Variants in ZPBP observed in about 807,000 individuals in gnomAD.
The protein encoded by ZPBP is zona pellucida binding protein.
ZPBP carries 26 observed loss-of-function variants against 44.8 expected under a neutral mutation model. The observed-to-expected ratio is 0.58, with a 90% CI of 0.43 to 0.81. ZPBP has a LOEUF of 0.81. Ranked by LOEUF, ZPBP falls within the 30% of genes least tolerant of loss-of-function variation. ZPBP has a pLI of 0.00. For synonymous variants in ZPBP, 174 were observed against 153.2 expected (o/e 1.14, Z -1.00); for missense variants, 409 against 434.0 (o/e 0.94, Z 0.51).
intron 4 of ZPBP, among the ~76,000 whole-genome samples, chr7:50,046,259 A>AC (rs1431504108): frequency 7.2e-5 from 11 of 152,174 alleles, no homozygotes; most frequent in African/African-American, 2.2e-4. Flanking sequence ...TGACTAAAAC[A>AC]CCAACAGCAA....
intron 1 of ZPBP, among the ~76,000 whole-genome samples, chr7:49,928,521 G>A (rs1209281367): frequency 6.6e-6 from 1 of 152,138 alleles, no homozygotes; most frequent in East Asian, 1.9e-4. Context: ...TGTGGGTAGG[G>A]CTGTCTACTT....
At chr7:49,842,643 A>T in the ZPBP span, among the ~76,000 whole-genome samples, 1 of 152,208 alleles carries the variant, frequency 6.6e-6, no homozygotes, top group East Asian at 1.9e-4. Flanking sequence ...GTATACTTGC[A>T]GAATAATTGT....
At chr7:49,941,485 T>TGTACA (rs2128753397) in intron 7 of ZPBP, among the ~76,000 whole-genome samples, 1 of 152,264 alleles carries the variant, frequency 6.6e-6, no homozygotes, top group East Asian at 1.9e-4. Flanking sequence ...AAATCAGTTA[T>TGTACA]GTTTGTGTAC....
At chr7:50,084,191 G>T (rs749907938) in intron 2 of ZPBP, among the ~76,000 whole-genome samples, 20 of 151,884 alleles carry the variant, frequency 1.3e-4, no homozygotes, top group Non-Finnish European at 2.1e-4. Context: ...TGATAAGGAT[G>T]TGGGAAAATG....
downstream of ZPBP, among the ~76,000 whole-genome samples, chr7:49,848,547 T>G (rs971633649): frequency 6.6e-6 from 1 of 152,228 alleles, no homozygotes; most frequent in Non-Finnish European, 1.5e-5. Context: ...TGTGGTCTGC[T>G]CTCTCGTTTC....
intron 6 of ZPBP, among the ~76,000 whole-genome samples, chr7:50,013,648 A>G (rs899982587): frequency 3.9e-5 from 6 of 152,182 alleles, no homozygotes; most frequent in African/African-American, 1.2e-4. Context: ...TTACCCAATT[A>G]AAATCTTTTT....
At chr7:49,998,358 C>T (rs1007904716) in intron 6 of ZPBP, among the ~76,000 whole-genome samples, 2 of 152,228 alleles carry the variant, frequency 1.3e-5, no homozygotes, top group African/African-American at 4.8e-5. Flanking sequence ...CTTCAGGGCA[C>T]ACCTGGAACG....
At chr7:49,985,186 A>G (rs1187241196) in intron 6 of ZPBP, among the ~76,000 whole-genome samples, 4 of 152,338 alleles carry the variant, frequency 2.6e-5, no homozygotes, top group Middle Eastern at 3.4e-3. Context: ...GGAACAAGTA[A>G]ATAATTATTA....
chr7:50,007,728 AAATC>A (rs1293848929), intron 6 of ZPBP, among the ~76,000 whole-genome samples: 1 of 152,108 alleles, frequency 6.6e-6, no homozygotes, highest in East Asian at 1.9e-4. Flanking sequence ...CAACATACAA[AAATC>A]AATCAGTGTA....
chr7:50,060,078 G>A (rs889778198), intron 3 of ZPBP, among the ~76,000 whole-genome samples: 3 of 152,216 alleles, frequency 2.0e-5, no homozygotes, highest in African/African-American at 7.2e-5. Flanking sequence ...TCCTTGCCCT[G>A]AGTGGCTTCT....
At chr7:50,011,775 G>A (rs113773091) in intron 6 of ZPBP, among the ~76,000 whole-genome samples, 7 of 147,590 alleles carry the variant, frequency 4.7e-5, no homozygotes, top group Admixed American at 2.0e-4. Context: ...GAAGGGGCCA[G>A]GTGTGGTGGC....
At chr7:49,968,211 G>GCAC (rs1796140607) in intron 7 of ZPBP, among the ~76,000 whole-genome samples, 1 of 151,928 alleles carries the variant, frequency 6.6e-6, no homozygotes, top group Non-Finnish European at 1.5e-5. Flanking sequence ...AGTAATGTGT[G>GCAC]TGATCTCTAG....
chr7:50,058,152 A>T lies in ZPBP; in HGVS notation c.335-11T>A. The stretch of plus-strand genomic sequence containing the variant: ...CAGTGCGGTTTTCTACTAAAGGAAT[A>T]AGATACAGTTACGAGTTGCTTAAAT... On this transcript the variant is annotated splice_polypyrimidine_tract_variant and intron_variant, in intron 3 of 7. Coordinates refer to ENST00000046087, the MANE Select transcript of ZPBP (RefSeq NM_007009.3). 6.2e-7 allele frequency: 1 copy of T among 1,613,436 alleles called. No homozygotes were observed. Among genetic ancestry groups the T allele is most frequent in the Non-Finnish European group, 8.5e-7 (1 of 1,179,620 alleles).
intron 7 of ZPBP, among the ~76,000 whole-genome samples, chr7:49,938,628 C>G (rs1363999386): frequency 3.3e-5 from 5 of 152,144 alleles, no homozygotes; most frequent in Non-Finnish European, 7.4e-5. Flanking sequence ...CTCTACCAAC[C>G]TGTTCTATTG....
intron 7 of ZPBP, among the ~76,000 whole-genome samples, chr7:49,965,363 T>C (rs1796018567): frequency 6.6e-6 from 1 of 152,040 alleles, no homozygotes; most frequent in Non-Finnish European, 1.5e-5. Flanking sequence ...ACCATTTCAA[T>C]ATAATATATA....
intron 2 of ZPBP, among the ~76,000 whole-genome samples, chr7:49,881,879 A>T (rs188965412): frequency 6.6e-6 from 1 of 152,068 alleles, no homozygotes; most frequent in Non-Finnish European, 1.5e-5. Context: ...AGATTTTTTA[A>T]TAAAAGAGAC....
intron 4 of ZPBP, among the ~76,000 whole-genome samples, chr7:50,035,527 C>T (rs758561044): frequency 6.6e-6 from 1 of 152,100 alleles, no homozygotes; most frequent in Non-Finnish European, 1.5e-5. Flanking sequence ...GTTTCACAGA[C>T]CATAATTTGA....
At chr7:49,971,665 T>C (rs1440839259) in intron 7 of ZPBP, among the ~76,000 whole-genome samples, 3 of 152,092 alleles carry the variant, frequency 2.0e-5, no homozygotes, top group Non-Finnish European at 4.4e-5. Flanking sequence ...CACTAGTAAT[T>C]TCAAACAAAC....
intron 2 of ZPBP, among the ~76,000 whole-genome samples, chr7:49,892,563 G>A (rs2128731171): frequency 6.6e-6 from 1 of 152,296 alleles, no homozygotes; most frequent in African/African-American, 2.4e-5. Context: ...GGGCTTCCCA[G>A]GCCCTGGTCA....
Sources: allele counts gnomAD v4.1 joint callset (sites outside exome capture counted in the v4.1 genomes callset), GRCh38; gene constraint gnomAD v4.1.1; transcripts MANE v1.5; gene names NCBI Gene and HGNC (gene_info 2026-07-23, HGNC 2026-07-21).